Variants in PTPRM observed in about 807,000 individuals in gnomAD.
The protein encoded by PTPRM is receptor-type tyrosine-protein phosphatase mu.
A neutral mutation model predicts 186.7 loss-of-function variants in PTPRM; 47 were observed. That is an observed-to-expected ratio of 0.25 (90% CI 0.20 to 0.32). The LOEUF (loss-of-function observed/expected upper bound fraction) is 0.32, where lower values mean the gene tolerates loss of function less well. Ranked by LOEUF, PTPRM falls within the 10% of genes least tolerant of loss-of-function variation. The probability of loss-of-function intolerance (pLI) is 1.00; values close to 1 mark genes in which losing one functional copy is unlikely to be tolerated. For missense variants in PTPRM, 1,494 were observed against 1,865.0 expected (o/e 0.80, Z 3.66); for synonymous variants, 668 against 674.9 (o/e 0.99, Z 0.16).
intron 19 of PTPRM, among the ~76,000 whole-genome samples, chr18:8,278,049 G>A (rs1394423591): frequency 6.6e-6 from 1 of 152,138 alleles, no homozygotes; most frequent in Non-Finnish European, 1.5e-5. Flanking sequence ...TGAACAGGTG[G>A]CACACACTGT....
At chr18:8,119,748 T>A (rs2092100685) in intron 13 of PTPRM, among the ~76,000 whole-genome samples, 1 of 152,098 alleles carries the variant, frequency 6.6e-6, no homozygotes, top group Non-Finnish European at 1.5e-5. Flanking sequence ...AAATGCTGGC[T>A]CAACAAGCTT....
At chr18:8,153,131 C>A (rs998453230) in intron 14 of PTPRM, among the ~76,000 whole-genome samples, 8 of 152,168 alleles carry the variant, frequency 5.3e-5, no homozygotes, top group Non-Finnish European at 1.0e-4. Flanking sequence ...TCCTAAGGAA[C>A]AATAGGCCCT....
chr18:8,099,914 G>A (rs770516247), intron 11 of PTPRM, among the ~76,000 whole-genome samples: 5 of 152,118 alleles, frequency 3.3e-5, no homozygotes, highest in Admixed American at 6.5e-5. Flanking sequence ...AAAGATACCC[G>A]AGACTCGGTA....
intron 14 of PTPRM, among the ~76,000 whole-genome samples, chr18:8,184,696 CA>C (rs2093619925): frequency 6.6e-6 from 1 of 152,194 alleles, no homozygotes; most frequent in Admixed American, 6.5e-5. Context: ...GAACAAATAT[CA>C]TTTTTAGGAA....
chr18:7,578,067 G>A (rs1415048047), intron 1 of PTPRM, among the ~76,000 whole-genome samples: 1 of 152,100 alleles, frequency 6.6e-6, no homozygotes, highest in Non-Finnish European at 1.5e-5. Context: ...CTGGCATTGA[G>A]TTCTCCTTCT....
chr18:7,990,151 G>A (rs2083186849), intron 7 of PTPRM, among the ~76,000 whole-genome samples: 1 of 152,112 alleles, frequency 6.6e-6, no homozygotes, highest in South Asian at 2.1e-4. Flanking sequence ...TGATTCACTG[G>A]CCTCAGCCTC....
intron 13 of PTPRM, among the ~76,000 whole-genome samples, chr18:8,116,505 A>G (rs1600659496): frequency 6.6e-6 from 1 of 152,056 alleles, no homozygotes; most frequent in Non-Finnish European, 1.5e-5. Context: ...TGTTTCTTTC[A>G]CCATTGCTCA....
intron 4 of PTPRM, among the ~76,000 whole-genome samples, chr18:7,920,971 A>G (rs987365832): frequency 6.6e-6 from 1 of 152,048 alleles, no homozygotes; most frequent in African/African-American, 2.4e-5. Context: ...ATGAACCCTG[A>G]TTCCTTTATA....
chr18:7,949,698 A>T (rs2052804505), intron 6 of PTPRM, among the ~76,000 whole-genome samples: 1 of 152,208 alleles, frequency 6.6e-6, no homozygotes, highest in African/African-American at 2.4e-5. Flanking sequence ...GCAAATATTC[A>T]TCAGCCAGCG....
At chr18:7,672,162 AT>A (rs2039231567) in intron 1 of PTPRM, among the ~76,000 whole-genome samples, 1 of 152,184 alleles carries the variant, frequency 6.6e-6, no homozygotes, top group South Asian at 2.1e-4. Flanking sequence ...TTTCATGGGG[AT>A]TGTGAATCAG....
At chr18:7,894,903 G>A (rs983416225) in intron 3 of PTPRM, among the ~76,000 whole-genome samples, 4 of 152,106 alleles carry the variant, frequency 2.6e-5, no homozygotes, top group African/African-American at 4.8e-5. Flanking sequence ...TAAGTTTCAT[G>A]TATACTTGAA....
Position 8,376,093 on chromosome 18 carries a change from C to T in PTPRM, c.3219C>T (p.Gly1073=). The T allele has an allele frequency of 6.2e-7, 1 of 1,613,954 alleles. No homozygotes were observed. Residue 1073 remains glycine (G), a synonymous_variant, in exon 25 of 33, where the codon GGC becomes GGT. Transcript: ENST00000580170. The stretch of plus-strand genomic sequence containing the variant: ...AGATCAGACAGTTTCACTTCACTGG[C>T]TGGCCGGATCATGGGGTCCCCTACC... ...IREIRQFHFT[G]WPDHGVPYHA...
chr18:7,707,285 G>A (rs531204983), intron 1 of PTPRM, among the ~76,000 whole-genome samples: 1 of 152,120 alleles, frequency 6.6e-6, no homozygotes, highest in Admixed American at 6.5e-5. Flanking sequence ...AGTTTACTCT[G>A]GGTCTTTAAA....
chr18:8,169,460 T>A (rs1360210250), intron 14 of PTPRM, among the ~76,000 whole-genome samples: 1 of 152,086 alleles, frequency 6.6e-6, no homozygotes, highest in Non-Finnish European at 1.5e-5. Context: ...TAGGTCTACT[T>A]CCCCTGTTGC....
At chr18:7,880,044 C>A in intron 2 of PTPRM, among the ~76,000 whole-genome samples, 1 of 152,118 alleles carries the variant, frequency 6.6e-6, no homozygotes, top group East Asian at 1.9e-4. Flanking sequence ...GGGGGGAAAG[C>A]CCCTTATAAA....
At chr18:7,906,385 C>T (rs912012604) in intron 3 of PTPRM, 120 bp from the exon 4 acceptor site, 18 of 735,874 alleles carry the variant, frequency 2.4e-5, no homozygotes, top group African/African-American at 1.6e-4. Flanking sequence ...GCAGATGTTA[C>T]GTACATGAAT....
intron 7 of PTPRM, among the ~76,000 whole-genome samples, chr18:7,990,171 T>C (rs762765172): frequency 2.0e-5 from 3 of 152,214 alleles, no homozygotes; most frequent in Non-Finnish European, 2.9e-5. Context: ...CCCAAAGTGC[T>C]GGGATTACAG....
intron 19 of PTPRM, among the ~76,000 whole-genome samples, chr18:8,273,542 A>G (rs2094797584): frequency 6.6e-6 from 1 of 152,124 alleles, no homozygotes; most frequent in Admixed American, 6.6e-5. Flanking sequence ...AGCCAGGTCC[A>G]TGCATCTTCC....
At chr18:8,234,571 T>G (rs1323584619) in intron 14 of PTPRM, among the ~76,000 whole-genome samples, 3 of 152,182 alleles carry the variant, frequency 2.0e-5, no homozygotes, top group Non-Finnish European at 4.4e-5. Flanking sequence ...GTTGATATTT[T>G]CATTTTCTTG....
Sources: gnomAD v4.1 joint callset for allele counts (sites outside exome capture counted in the v4.1 genomes callset) on GRCh38, gnomAD v4.1.1 for gene constraint, MANE v1.5 for transcripts, NCBI Gene and HGNC (gene_info 2026-07-23, HGNC 2026-07-21) for gene names.